ASIC2: variants seen among roughly 807,000 people sequenced by gnomAD.
ASIC2 encodes acid sensing ion channel subunit 2, also known as acid-sensing ion channel 2.
A neutral mutation model predicts 57.3 loss-of-function variants in ASIC2; 25 were observed. The observed-to-expected ratio is 0.44, with a 90% confidence interval of 0.32 to 0.61. The LOEUF (loss-of-function observed/expected upper bound fraction) is 0.61, where lower values mean the gene tolerates loss of function less well. Ranked by LOEUF, ASIC2 falls within the 20% of genes least tolerant of loss-of-function variation. The pLI is 0.06. For synonymous variants in ASIC2, 319 were observed against 307.5 expected (o/e 1.04, Z -0.39); for missense variants, 641 against 738.1 (o/e 0.87, Z 1.52).
At chr17:34,044,218 T>C (rs913780131) in intron 1 of ASIC2, among the ~76,000 whole-genome samples, 2 of 151,986 alleles carry the variant, frequency 1.3e-5, no homozygotes, top group African/African-American at 4.8e-5. Flanking sequence ...TGCCAGAGGA[T>C]GCCCAGGTAG....
In ASIC2 at chr17:33,915,653, G is replaced by A. The variant is rs996091255; in HGVS notation, c.555+240325C>T. Reference sequence around the variant, plus strand: ...CTAGTTTCCCTCTCACCAGTCTCCCGAAGTGCTTTCTGCAGAGGCCGCTGC... The same window carrying A: ...CTAGTTTCCCTCTCACCAGTCTCCCAAAGTGCTTTCTGCAGAGGCCGCTGC... On this transcript the variant is annotated intron_variant, in intron 1 of 9. Coordinates refer to the ASIC2 transcript ENST00000359872. Among the ~76,000 whole-genome samples, 5 of 152,150 alleles carry A rather than the reference G, an allele frequency of 3.3e-5. No homozygotes were observed. The East Asian group carries it at 7.7e-4, about 23-fold the overall frequency.
At chr17:34,091,390 TG>T (rs1910324984) in intron 1 of ASIC2, among the ~76,000 whole-genome samples, 1 of 152,226 alleles carries the variant, frequency 6.6e-6, no homozygotes, top group Non-Finnish European at 1.5e-5. Context: ...CCCTGGCAAG[TG>T]ATGATTGAGG....
chr17:33,940,265 G>A (rs963059268), intron 1 of ASIC2, among the ~76,000 whole-genome samples: 3 of 152,188 alleles, frequency 2.0e-5, no homozygotes, highest in Non-Finnish European at 4.4e-5. Flanking sequence ...TTCACTCCAT[G>A]ATTTCTATGG....
At chr17:33,097,697 G>A (rs538605685) in intron 2 of ASIC2, among the ~76,000 whole-genome samples, 1 of 152,326 alleles carries the variant, frequency 6.6e-6, no homozygotes, top group South Asian at 2.1e-4. Context: ...GGGAAGGATG[G>A]GGAAGAAGAG....
At chr17:33,426,180 A>G (rs1911214575) in intron 1 of ASIC2, among the ~76,000 whole-genome samples, 1 of 152,218 alleles carries the variant, frequency 6.6e-6, no homozygotes, top group African/African-American at 2.4e-5. Context: ...CTCTGAGAGC[A>G]GCAGGAACAC....
At chr17:33,516,096 T>C (rs1914556685) in intron 1 of ASIC2, among the ~76,000 whole-genome samples, 1 of 149,204 alleles carries the variant, frequency 6.7e-6, no homozygotes, top group African/African-American at 2.5e-5. Context: ...CAGAGCAAGA[T>C]TCTGTCTCCA....
chr17:34,007,513 A>G (rs569110016), intron 1 of ASIC2, among the ~76,000 whole-genome samples: 17 of 152,324 alleles, frequency 1.1e-4, no homozygotes, highest in Middle Eastern at 3.4e-3. Context: ...GTAGTGCTCA[A>G]AGGGCCAGAA....
chr17:33,980,955 T>A (rs1361046988), intron 1 of ASIC2: 1 of 149,316 alleles, frequency 6.7e-6, no homozygotes, highest in African/African-American at 2.5e-5. Context: ...TTTTTTTTTT[T>A]AGACAGAATC....
intron 9 of ASIC2, 92 bp from the exon 10 acceptor site, chr17:33,014,158 T>G: frequency 1.0e-6 from 1 of 976,228 alleles, no homozygotes; most frequent in South Asian, 1.4e-5. Context: ...CTGGGGAAGG[T>G]GCTCCCCACT....
intron 1 of ASIC2, among the ~76,000 whole-genome samples, chr17:33,923,096 C>A (rs1915743372): frequency 6.6e-6 from 1 of 152,184 alleles, no homozygotes; most frequent in Non-Finnish European, 1.5e-5. Context: ...CACATGGAAC[C>A]TGCGGGATTC....
At chr17:33,278,013 T>A (rs973010640) in intron 1 of ASIC2, among the ~76,000 whole-genome samples, 2 of 152,112 alleles carry the variant, frequency 1.3e-5, no homozygotes, top group Non-Finnish European at 2.9e-5. Flanking sequence ...AGAAGACAGA[T>A]CCTTCCCCAA....
At chr17:33,880,105 A>G (rs911813285) in intron 1 of ASIC2, among the ~76,000 whole-genome samples, 2 of 152,248 alleles carry the variant, frequency 1.3e-5, no homozygotes, top group African/African-American at 4.8e-5. Flanking sequence ...CATTTAAAGC[A>G]GTGTGTAGAG....
chr17:33,058,598 G>T (rs1389704133), intron 3 of ASIC2, among the ~76,000 whole-genome samples: 1 of 151,942 alleles, frequency 6.6e-6, no homozygotes, highest in African/African-American at 2.4e-5. Flanking sequence ...GCAGGCCCTG[G>T]TTTTTCTTGT....
chr17:33,245,119 T>C lies in ASIC2; in HGVS notation c.708+46289A>G, dbSNP rs1365301099. ...ACTGTATGACAACCATCACATGCATTATAAAGACTCCCTAGTGGCCATGGC... is the reference window on the plus strand; with the variant it reads ...ACTGTATGACAACCATCACATGCATCATAAAGACTCCCTAGTGGCCATGGC... On this transcript the variant is annotated intron_variant, in intron 1 of 9. Coordinates refer to ENST00000225823, the MANE Select transcript of ASIC2 (RefSeq NM_183377.2). Among the ~76,000 whole-genome samples, 6 of 152,310 alleles carry C rather than the reference T, an allele frequency of 3.9e-5. 1 individual carries two copies. The highest frequency in any genetic ancestry group is 3.9e-4 in the Admixed American group (6 of 15,302).
At chr17:33,572,714 G>A (rs1341655004) in intron 1 of ASIC2, among the ~76,000 whole-genome samples, 2 of 152,206 alleles carry the variant, frequency 1.3e-5, no homozygotes, top group South Asian at 2.1e-4. Context: ...GTCAGTGTGA[G>A]TAAATAGGAC....
At chr17:33,484,071 G>A (rs1227567312) in intron 1 of ASIC2, among the ~76,000 whole-genome samples, 1 of 152,172 alleles carries the variant, frequency 6.6e-6, no homozygotes, top group African/African-American at 2.4e-5. Flanking sequence ...TCTCTTCTCA[G>A]AACTTCTAGG....
intron 1 of ASIC2, chr17:34,038,429 T>G (rs1907975506): frequency 1.2e-6 from 2 of 1,612,160 alleles, no homozygotes; most frequent in Non-Finnish European, 1.7e-6. Flanking sequence ...GTAATTCTCC[T>G]TTTTCTCATC....
intron 1 of ASIC2, among the ~76,000 whole-genome samples, chr17:33,706,569 C>A (rs1191043280): frequency 2.6e-5 from 4 of 152,030 alleles, no homozygotes; most frequent in Non-Finnish European, 5.9e-5. Flanking sequence ...ATAAATTGTA[C>A]CATAGCAGTT....
intron 1 of ASIC2, among the ~76,000 whole-genome samples, chr17:33,682,268 T>C (rs1400446296): frequency 6.6e-6 from 1 of 151,716 alleles, no homozygotes; most frequent in Non-Finnish European, 1.5e-5. Flanking sequence ...GGTTTCACCA[T>C]GTTAGCCAGG....
Sources: gnomAD v4.1 joint callset for allele counts (sites outside exome capture counted in the v4.1 genomes callset) on GRCh38, gnomAD v4.1.1 for gene constraint, MANE v1.5 for transcripts, NCBI Gene and HGNC (gene_info 2026-07-23, HGNC 2026-07-21) for gene names.